Variants in KANSL1 observed in about 807,000 individuals in gnomAD.
The protein encoded by KANSL1 is KAT8 regulatory NSL complex subunit 1.
Under a neutral mutation model 103.6 loss-of-function variants are expected in KANSL1, and 22 were observed. The observed-to-expected ratio is 0.21, with a 90% CI of 0.15 to 0.30. The LOEUF is 0.30. Ranked by LOEUF, KANSL1 falls within the 10% of genes least tolerant of loss-of-function variation. KANSL1 has a pLI of 1.00. For synonymous variants in KANSL1, 600 were observed against 527.6 expected (o/e 1.14, Z -1.88); for missense variants, 1,337 against 1,399.8 (o/e 0.96, Z 0.72).
At chr17:46,177,578 TACAAA>T (rs1243601737) in intron 1 of KANSL1, among the ~76,000 whole-genome samples, 2 of 152,218 alleles carry the variant, frequency 1.3e-5, no homozygotes, top group Admixed American at 6.5e-5. Flanking sequence ...GAAAAAAAGT[TACAAA>T]ACAAAACACA....
rs2076968081 is a variant in KANSL1 at position 46,030,192 on chromosome 17, TATA to T, written c.*1281_*1283del. The T allele has an allele frequency of 6.6e-6, 1 of 152,326 alleles. No homozygotes were observed. Among genetic ancestry groups the T allele is most frequent in the Non-Finnish European group, 1.5e-5 (1 of 67,992 alleles). 9.4% of individuals were successfully genotyped at this position (152,326 alleles called of 1,614,324 possible). ...AAGGGTTATTCAGAATTTTCAACCT[TATA>T]AATAGAAGAAGCACTTTATGCATAG... On this transcript the variant is annotated 3_prime_UTR_variant, in exon 15 of 15. Transcript: ENST00000432791.
intron 7 of KANSL1, among the ~76,000 whole-genome samples, chr17:46,046,528 C>CA (rs58711350): frequency 0.23 from 7,650 of 33,142 alleles, 2,663 homozygotes; most frequent in Non-Finnish European, 0.26. Flanking sequence ...GAGACTCTGT[C>CA]AAAAAAAAAA....
chr17:46,031,914 G>T lies in KANSL1; in HGVS notation c.3090+133C>A, dbSNP rs941286434. 2.3e-6 allele frequency: 3 copies of T among 1,296,018 alleles called. No homozygotes were observed. In the African/African-American group the frequency reaches 4.4e-5, roughly 19 times the overall value. 80.3% of individuals were successfully genotyped at this position (1,296,018 alleles called of 1,614,324 possible). On this transcript the variant is annotated intron_variant, in intron 14 of 14. Transcript: ENST00000432791. ...ATACAGTTCCACTGAACGTTGAGGAGATCAATTTAAGTGCAGCCCTTTGTC... is the reference window on the plus strand; with the variant it reads ...ATACAGTTCCACTGAACGTTGAGGATATCAATTTAAGTGCAGCCCTTTGTC...
intron 7 of KANSL1, 196 bp downstream of exon 7, chr17:46,050,337 T>C: frequency 1.7e-6 from 1 of 590,596 alleles, no homozygotes; most frequent in Non-Finnish European, 3.0e-6. Context: ...TCATATTAAG[T>C]TGCAACCTTT....
At chr17:46,219,962 G>A (rs1452694080) in intron 1 of KANSL1, among the ~76,000 whole-genome samples, 4 of 151,964 alleles carry the variant, frequency 2.6e-5, no homozygotes, top group African/African-American at 9.6e-5. Flanking sequence ...AATTAGCCGG[G>A]CGTGGTGGCG....
intron 2 of KANSL1, among the ~76,000 whole-genome samples, chr17:46,140,060 C>G (rs1384312928): frequency 6.6e-6 from 1 of 152,150 alleles, no homozygotes; most frequent in Non-Finnish European, 1.5e-5. Context: ...CCCTTCCCTT[C>G]CTCCATCCCA....
chr17:46,081,366 A>G (rs2078982570), intron 4 of KANSL1, among the ~76,000 whole-genome samples: 1 of 152,212 alleles, frequency 6.6e-6, no homozygotes, highest in Admixed American at 6.5e-5. Context: ...CCATTCACTA[A>G]AAGTTTCATT....
intron 4 of KANSL1, among the ~76,000 whole-genome samples, chr17:46,069,959 T>C (rs961033432): frequency 5.3e-5 from 8 of 151,960 alleles, no homozygotes; most frequent in South Asian, 2.1e-4. Flanking sequence ...TCTTGAACAA[T>C]TGTCAATGCT....
At chr17:46,068,426 G>A (rs1238589540) in intron 4 of KANSL1, among the ~76,000 whole-genome samples, 1 of 152,018 alleles carries the variant, frequency 6.6e-6, no homozygotes, top group Non-Finnish European at 1.5e-5. Flanking sequence ...AATTAGCCGG[G>A]CATGGTGGTG....
At chr17:46,044,380 C>A (rs966765184) in intron 7 of KANSL1, 3 of 152,234 alleles carry the variant, frequency 2.0e-5, no homozygotes, top group African/African-American at 7.2e-5. Flanking sequence ...ACCTGGCTGT[C>A]TGGCTCCTTA....
In KANSL1 at chr17:46,171,808, A is replaced by G. The variant is rs1359064996; in HGVS notation, c.336T>C (p.Pro112=). 4 of 1,613,928 alleles carry G rather than the reference A, an allele frequency of 2.5e-6. No homozygotes were observed. Among genetic ancestry groups the G allele is most frequent in the Non-Finnish European group, 3.4e-6 (4 of 1,179,952 alleles). Residue 112 remains proline, a synonymous_variant, in exon 2 of 15, where the codon CCT becomes CCC. Transcript: ENST00000432791. ...GGAGTTCATAGGACTGAGATAAGAGAGGATGAGATTTAAGGACTGTCTGCT... is the reference window on the plus strand; with the variant it reads ...GGAGTTCATAGGACTGAGATAAGAGGGGATGAGATTTAAGGACTGTCTGCT... The part of the protein sequence containing the change: ...FSKQTVLKSH[P]LLSQSYELRA...
chr17:46,171,972 C>G lies in KANSL1; in HGVS notation c.172G>C (p.Asp58His). The change falls in exon 2 of 15, where the codon GAT (aspartate) becomes CAT (histidine). Residue 58 changes from aspartate to histidine, a missense_variant. Transcript: ENST00000432791. ...TTATTTCGGAAATCTAGGCTGGGAT[C>G]CTCTGCAGCAATGGCTTTTCTTTTG... is the stretch of plus-strand genomic sequence containing the variant. ...GTKRKAIAAE[D>H]PSLDFRNNPT... 6.2e-7 allele frequency: 1 copy of G among 1,614,252 alleles called. No homozygotes were observed. Among genetic ancestry groups the G allele is most frequent in the Non-Finnish European group, 8.5e-7 (1 of 1,180,046 alleles).
intron 2 of KANSL1, among the ~76,000 whole-genome samples, chr17:46,132,609 T>G (rs898553359): frequency 6.6e-6 from 1 of 152,190 alleles, no homozygotes; most frequent in Non-Finnish European, 1.5e-5. Context: ...TGACCATTAA[T>G]GTTAGAGAAT....
chr17:46,096,311 C>CTTTTTTTTTTTTTTTTTTTTTTTTT lies in KANSL1; in HGVS notation c.1290-1611_1290-1610insAAAAAAAAAAAAAAAAAAAAAAAAA, dbSNP rs71138525. ...CATACTACATACCTGGCTTTTTTTT[C>CTTTTTTTTTTTTTTTTTTTTTTTTT]TTTTTTTTTTTTTTTTTTTTTGAGA... is the stretch of plus-strand genomic sequence containing the variant. On this transcript the variant is annotated intron_variant, in intron 2 of 14. Transcript: ENST00000432791. 1.9e-3 allele frequency among the ~76,000 whole-genome samples: 142 copies of CTTTTTTTTTTTTTTTTTTTTTTTTT among 76,400 alleles called. 6 individuals carry two copies. The highest frequency in any genetic ancestry group is 5.8e-3 in the East Asian group (12 of 2,074). 50.1% of individuals were successfully genotyped at this position (76,400 alleles called of 152,430 possible).
chr17:46,123,613 T>C (rs1023651021), intron 2 of KANSL1, among the ~76,000 whole-genome samples: 3 of 152,156 alleles, frequency 2.0e-5, no homozygotes, highest in Non-Finnish European at 2.9e-5. Flanking sequence ...TCTGTATAGA[T>C]CAAACCAGCC....
At chr17:46,108,084 A>T (rs1457657752) in intron 2 of KANSL1, among the ~76,000 whole-genome samples, 1 of 152,242 alleles carries the variant, frequency 6.6e-6, no homozygotes, top group Non-Finnish European at 1.5e-5. Flanking sequence ...CATAGCAGCC[A>T]GCCTAATATT....
rs1018963624 is a variant in KANSL1 at position 46,094,571 on chromosome 17, G to C, written c.1420C>G (p.Arg474Gly). The C allele has an allele frequency of 3.7e-6, 6 of 1,612,918 alleles. No individual in the cohort carries two copies. The highest frequency in any genetic ancestry group is 1.3e-5 in the African/African-American group (1 of 74,964). The change falls in exon 3 of 15, where the codon CGT (arginine) becomes GGT (glycine). Residue 474 changes from arginine (R) to glycine (G), a missense_variant. Transcript: ENST00000432791. ...TACTTATCCCTTACCTTATTAGCAC[G>C]TATCTGTTTGTAAATGTCTGTTTGC... Reference protein sequence around the residue: ...RQQTDIYKQIRANKGLIVLGE... With the variant: ...RQQTDIYKQIGANKGLIVLGE...
chr17:46,127,004 T>C (rs1352369162), intron 2 of KANSL1, among the ~76,000 whole-genome samples: 2 of 152,206 alleles, frequency 1.3e-5, no homozygotes, highest in African/African-American at 4.8e-5. Context: ...ATTCAACAGG[T>C]AATTTACAAC....
intron 2 of KANSL1, among the ~76,000 whole-genome samples, chr17:46,168,745 G>C (rs2046133491): frequency 6.6e-6 from 1 of 152,188 alleles, no homozygotes; most frequent in African/African-American, 2.4e-5. Flanking sequence ...ACTTTTTAAA[G>C]TATCAGTTGA....
Sources: allele counts gnomAD v4.1 joint callset (sites outside exome capture counted in the v4.1 genomes callset), GRCh38; gene constraint gnomAD v4.1.1; transcripts MANE v1.5; gene names NCBI Gene and HGNC (gene_info 2026-07-23, HGNC 2026-07-21).